Variants in TMPRSS15 observed in about 807,000 individuals in gnomAD.
The protein encoded by TMPRSS15 is transmembrane serine protease 15.
A neutral mutation model predicts 125.3 loss-of-function variants in TMPRSS15; 128 were observed. The ratio of observed to expected loss-of-function variants is 1.02; its 90% CI spans 0.89 to 1.18. TMPRSS15 has a LOEUF of 1.18. Ranked by LOEUF, TMPRSS15 falls within the 50% of genes most tolerant of loss-of-function variation. The pLI, the probability that TMPRSS15 is intolerant of heterozygous loss-of-function variation, is 0.00. For synonymous variants in TMPRSS15, 446 were observed against 423.2 expected, an observed-to-expected ratio of 1.05 and a Z score of -0.66; for missense variants, 1,283 against 1,212.7, an observed-to-expected ratio of 1.06 and a Z score of -0.86.
intron 6 of TMPRSS15, among the ~76,000 whole-genome samples, chr21:18,371,184 G>A (rs2075788536): frequency 1.3e-5 from 2 of 151,980 alleles, no homozygotes; most frequent in South Asian, 4.2e-4. Flanking sequence ...CCTACCATAG[G>A]AGATTAACAG....
In TMPRSS15 at chr21:18,313,132, T is replaced by A. The variant is rs865918330; in HGVS notation, c.2033-55A>T. The A allele has an allele frequency of 3.2e-6, 4 of 1,254,886 alleles. No homozygotes were observed. In the Middle Eastern group the frequency reaches 7.4e-4, roughly 233 times the overall value. The allele number at this position is 1,254,886 out of a possible 1,614,324, so 77.7% of individuals were successfully genotyped here. On this transcript the variant is annotated intron_variant, in intron 17 of 24. Transcript: ENST00000284885. Reference sequence around the variant, plus strand: ...ACCAGAGACTGAAGGGTGCGGAGTATGGGAAGACATCGTTCAAAGAGTACA... The same window carrying A: ...ACCAGAGACTGAAGGGTGCGGAGTAAGGGAAGACATCGTTCAAAGAGTACA...
intron 13 of TMPRSS15, among the ~76,000 whole-genome samples, chr21:18,333,301 G>A (rs1314864446): frequency 6.6e-6 from 1 of 152,080 alleles, no homozygotes; most frequent in Non-Finnish European, 1.5e-5. Context: ...AATTTCTTTA[G>A]CATTCTTATG....
rs528664819 is a variant in TMPRSS15, at chr21:18,437,888, C to G, written c.11-39559G>C. Among the ~76,000 whole-genome samples the G allele has an allele frequency of 1.6e-3, 243 of 151,952 alleles. 1 individual carries two copies. The highest frequency in any genetic ancestry group is 2.7e-3 in the Non-Finnish European group (184 of 67,926). On this transcript the variant is annotated intron_variant, in intron 1 of 7. Transcript: ENST00000422787. ...TTTACACTGTTGGTGGGACTGTAAA[C>G]TAGTTCAACCATTATGGAAGTCAGT...
intron 1 of TMPRSS15, among the ~76,000 whole-genome samples, chr21:18,403,027 T>C (rs1458662643): frequency 6.6e-6 from 1 of 152,204 alleles, no homozygotes; most frequent in Non-Finnish European, 1.5e-5. Context: ...GTTAGACTGA[T>C]AAGAGAATGA....
rs1011109080 is a variant in TMPRSS15 at position 18,436,706 on chromosome 21, T to A, written c.11-38377A>T. Among the ~76,000 whole-genome samples, 1,184 of 149,470 alleles carry A rather than the reference T, an allele frequency of 7.9e-3. 13 individuals are homozygous for A. Among genetic ancestry groups the A allele is most frequent in the African/African-American group, 0.027 (1,083 of 39,974 alleles). On this transcript the variant is annotated intron_variant, in intron 1 of 7. Coordinates refer to the TMPRSS15 transcript ENST00000422787. ...CCATTCACAATTGCTTCAAAGAGAATAAAATACCTAGGAATCCACCTTACA... is the reference window on the plus strand; with the variant it reads ...CCATTCACAATTGCTTCAAAGAGAAAAAAATACCTAGGAATCCACCTTACA...
chr21:18,481,984 A>G (rs1386875892), intron 1 of TMPRSS15, among the ~76,000 whole-genome samples: 1 of 151,696 alleles, frequency 6.6e-6, no homozygotes, highest in Admixed American at 6.6e-5. Context: ...ATGACTGAAT[A>G]GTAATAATTT....
At chr21:18,282,958 C>T (rs1452636475) in intron 21 of TMPRSS15, among the ~76,000 whole-genome samples, 1 of 152,090 alleles carries the variant, frequency 6.6e-6, no homozygotes, top group African/African-American at 2.4e-5. Flanking sequence ...TCCCTGCTCC[C>T]ACATAGGGGA....
At chr21:18,305,389 C>T (rs1235981394) in intron 18 of TMPRSS15, among the ~76,000 whole-genome samples, 3 of 151,906 alleles carry the variant, frequency 2.0e-5, no homozygotes, top group Admixed American at 1.3e-4. Flanking sequence ...GGGGTTTCAC[C>T]GGGTTAGCCA....
chr21:18,434,820 T>A (rs1355477091), intron 1 of TMPRSS15, among the ~76,000 whole-genome samples: 1 of 152,158 alleles, frequency 6.6e-6, no homozygotes, highest in African/African-American at 2.4e-5. Flanking sequence ...ATAAATACAT[T>A]TAAAAACTCA....
intron 16 of TMPRSS15, among the ~76,000 whole-genome samples, chr21:18,315,927 C>T (rs1238930736): frequency 4.4e-5 from 6 of 135,270 alleles, no homozygotes; most frequent in South Asian, 2.3e-4. Context: ...GAGCAAATGA[C>T]GAGTTAATGG....
chr21:18,392,681 G>A (rs1392554086), intron 3 of TMPRSS15, among the ~76,000 whole-genome samples: 1 of 152,026 alleles, frequency 6.6e-6, no homozygotes, highest in African/African-American at 2.4e-5. Flanking sequence ...TTTTCACACT[G>A]CTATAAAGAT....
rs745336763 is a variant in TMPRSS15 at position 18,365,140 on chromosome 21, C to A, written c.773G>T (p.Arg258Leu). The A allele has an allele frequency of 1.9e-6, 3 of 1,611,406 alleles. No homozygotes were observed. Among genetic ancestry groups the A allele is most frequent in the South Asian group, 1.1e-5 (1 of 91,034 alleles). Reference sequence around the variant, plus strand: ...CAGAAAATATAAGATCTTGTATTACCGTATGATCCACTGGCAGACAACACT... The same window carrying A: ...CAGAAAATATAAGATCTTGTATTACAGTATGATCCACTGGCAGACAACACT... The part of the protein sequence containing the change: ...ETSVVCQWII[R>L]VNQGLSIKLS... Residue 258 changes from arginine to leucine, a missense_variant and splice_region_variant, in exon 7 of 25, where the codon CGT becomes CTT. By Grantham distance (102) the Arg-to-Leu change is moderately radical. Coordinates refer to ENST00000284885, the MANE Select transcript of TMPRSS15 (RefSeq NM_002772.3).
At chr21:18,295,912 G>A (rs781098035) in intron 19 of TMPRSS15, among the ~76,000 whole-genome samples, 6 of 152,178 alleles carry the variant, frequency 3.9e-5, no homozygotes, top group Non-Finnish European at 8.8e-5. Flanking sequence ...CAGCACTTTG[G>A]GAGGCGGAGG....
At chr21:18,327,709 G>A (rs1471645104) in intron 15 of TMPRSS15, among the ~76,000 whole-genome samples, 2 of 142,272 alleles carry the variant, frequency 1.4e-5, no homozygotes, top group Non-Finnish European at 3.0e-5. Flanking sequence ...CAAGTCCAAA[G>A]CACAGTTAGA....
At chr21:18,415,721 T>C (rs1008468380) in intron 1 of TMPRSS15, among the ~76,000 whole-genome samples, 1 of 152,114 alleles carries the variant, frequency 6.6e-6, no homozygotes, top group Non-Finnish European at 1.5e-5. Context: ...TATCTGTCTT[T>C]ATGCTAGTAC....
intron 24 of TMPRSS15, among the ~76,000 whole-genome samples, chr21:18,271,053 T>TAAAG (rs1375246575): frequency 3.3e-5 from 5 of 152,216 alleles, no homozygotes; most frequent in East Asian, 1.9e-4. Flanking sequence ...GCCCTATATT[T>TAAAG]AAAGAAAAAA....
chr21:18,315,293 A>G, intron 16 of TMPRSS15, 37 bp from the exon 17 acceptor site: 1 of 1,526,992 alleles, frequency 6.5e-7, no homozygotes, highest in South Asian at 1.1e-5. Flanking sequence ...AGGATAAAGA[A>G]AACACAAATG....
At chr21:18,300,451 C>G (rs1339378041) in intron 18 of TMPRSS15, among the ~76,000 whole-genome samples, 2 of 151,806 alleles carry the variant, frequency 1.3e-5, no homozygotes, top group African/African-American at 4.8e-5. Context: ...AAGTGATTCT[C>G]CTGACTCAGC....
chr21:18,292,144 C>A (rs984255349), intron 21 of TMPRSS15, among the ~76,000 whole-genome samples: 1 of 152,172 alleles, frequency 6.6e-6, no homozygotes, highest in Non-Finnish European at 1.5e-5. Context: ...TTACACACTG[C>A]AATGTCAAGG....
Sources: gnomAD v4.1 joint callset for allele counts (sites outside exome capture counted in the v4.1 genomes callset) on GRCh38, gnomAD v4.1.1 for gene constraint, MANE v1.5 for transcripts, NCBI Gene and HGNC (gene_info 2026-07-23, HGNC 2026-07-21) for gene names.